The following HNF4G variants were observed in gnomAD, a reference collection of about 807,000 sequenced individuals.
The protein encoded by HNF4G is hepatocyte nuclear factor 4 gamma, also known as hepatocyte nuclear factor 4-gamma.
In HNF4G, 21 loss-of-function variants were observed where a neutral mutation model predicts 50.9. That is an observed-to-expected ratio of 0.41 (90% CI 0.29 to 0.59). HNF4G has a LOEUF of 0.59. HNF4G is among the 20% of genes least tolerant of loss of function. HNF4G has a pLI of 0.26. For synonymous variants in HNF4G, 198 were observed against 185.6 expected, an observed-to-expected ratio of 1.07 and a Z score of -0.54; for missense variants, 527 against 559.4, an observed-to-expected ratio of 0.94 and a Z score of 0.58.
chr8:75,435,669 C>A (rs1185425516), intron 1 of HNF4G, among the ~76,000 whole-genome samples: 1 of 152,224 alleles, frequency 6.6e-6, no homozygotes. Flanking sequence ...TCTGGGCTCA[C>A]TGCATCTTCT....
chr8:75,544,088 A>C (rs1007925689), intron 2 of HNF4G, 109 bp downstream of exon 2: 1 of 931,668 alleles, frequency 1.1e-6, no homozygotes, highest in African/African-American at 1.7e-5. Flanking sequence ...AAGTCTATAA[A>C]TACAATCTCT....
chr8:75,546,113 T>C (rs777588036), intron 2 of HNF4G, among the ~76,000 whole-genome samples: 1 of 152,158 alleles, frequency 6.6e-6, no homozygotes, highest in African/African-American at 2.4e-5. Flanking sequence ...TTCTTATCAT[T>C]AATCATCAAC....
At chr8:75,562,943 T>A (rs1355430472) in intron 9 of HNF4G, among the ~76,000 whole-genome samples, 1 of 152,192 alleles carries the variant, frequency 6.6e-6, no homozygotes, top group Non-Finnish European at 1.5e-5. Flanking sequence ...GATTTTGATA[T>A]TGATTTGTCA....
chr8:75,480,291 C>T (rs1035232055), intron 1 of HNF4G, among the ~76,000 whole-genome samples: 15 of 152,164 alleles, frequency 9.9e-5, no homozygotes, highest in South Asian at 2.1e-4. Flanking sequence ...TAATTGTATA[C>T]GTGCATAGCC....
intron 1 of HNF4G, among the ~76,000 whole-genome samples, chr8:75,443,838 C>T (rs909567343): frequency 6.6e-6 from 1 of 151,990 alleles, no homozygotes; most frequent in Non-Finnish European, 1.5e-5. Context: ...AAAAAGTCAT[C>T]CCCCTCTCCA....
chr8:75,531,777 C>T (rs905294459), intron 2 of HNF4G, among the ~76,000 whole-genome samples: 2 of 151,970 alleles, frequency 1.3e-5, no homozygotes, highest in South Asian at 2.1e-4. Context: ...AAAGGATGTG[C>T]ATAGATTATA....
intron 1 of HNF4G, among the ~76,000 whole-genome samples, chr8:75,477,276 T>A (rs6980816): frequency 0.16 from 24,536 of 152,144 alleles, 2,291 homozygotes; most frequent in African/African-American, 0.25. Context: ...TTTCTAAAGA[T>A]TCTTAGGTTA....
chr8:75,523,322 C>G (rs2130750182), intron 2 of HNF4G, among the ~76,000 whole-genome samples: 1 of 152,230 alleles, frequency 6.6e-6, no homozygotes, highest in East Asian at 1.9e-4. Context: ...ATAATTAATT[C>G]CTTCTCTCTA....
At chr8:75,532,070 T>C (rs1279526547) in intron 2 of HNF4G, among the ~76,000 whole-genome samples, 2 of 152,104 alleles carry the variant, frequency 1.3e-5, no homozygotes, top group African/African-American at 4.8e-5. Flanking sequence ...TTTTATTCTT[T>C]AATATGAGTT....
chr8:75,492,493 C>T (rs1476457504), intron 2 of HNF4G, among the ~76,000 whole-genome samples: 1 of 152,138 alleles, frequency 6.6e-6, no homozygotes, highest in East Asian at 1.9e-4. Flanking sequence ...TTGTGACCCC[C>T]CTATGTTTGC....
intron 2 of HNF4G, among the ~76,000 whole-genome samples, chr8:75,531,674 T>C (rs1405848529): frequency 6.6e-6 from 1 of 151,896 alleles, no homozygotes; most frequent in Non-Finnish European, 1.5e-5. Flanking sequence ...AATAAATAAA[T>C]GAAAAATAAT....
At chr8:75,525,329 C>T (rs745954316) in intron 2 of HNF4G, among the ~76,000 whole-genome samples, 18 of 152,082 alleles carry the variant, frequency 1.2e-4, no homozygotes, top group Admixed American at 7.9e-4. Flanking sequence ...CCACCATGCC[C>T]GGCTAATTTT....
intron 2 of HNF4G, among the ~76,000 whole-genome samples, chr8:75,504,464 T>C (rs1189234816): frequency 6.6e-6 from 1 of 151,834 alleles, no homozygotes; most frequent in Non-Finnish European, 1.5e-5. Flanking sequence ...TTAATAACTC[T>C]TGATATATAC....
At chr8:75,476,593 C>T (rs1812246460) in intron 1 of HNF4G, among the ~76,000 whole-genome samples, 1 of 152,198 alleles carries the variant, frequency 6.6e-6, no homozygotes, top group East Asian at 1.9e-4. Context: ...TAACGTAATA[C>T]AAACATAGTT....
rs763804262 is a variant in HNF4G at position 75,486,742 on chromosome 8, G to T, written c.-143-3347G>T. On this transcript the variant is annotated intron_variant, in intron 1 of 10. Transcript: ENST00000354370. Reference sequence around the variant, plus strand: ...TGAGTAGCCAGGCATGGTGGCTCATGCCTGTAATCCCAGCGCTTCGGGAGG... The same window carrying T: ...TGAGTAGCCAGGCATGGTGGCTCATTCCTGTAATCCCAGCGCTTCGGGAGG... Among the ~76,000 whole-genome samples the T allele has an allele frequency of 5.3e-4, 81 of 152,288 alleles. 1 individual carries two copies. The highest frequency in any genetic ancestry group is 8.7e-4 in the Non-Finnish European group (59 of 68,016).
intron 2 of HNF4G, among the ~76,000 whole-genome samples, chr8:75,491,323 T>C (rs989862672): frequency 8.5e-5 from 13 of 152,196 alleles, no homozygotes; most frequent in Admixed American, 3.3e-4. Context: ...AATTATATTT[T>C]ATACAATACC....
intron 2 of HNF4G, among the ~76,000 whole-genome samples, chr8:75,490,993 T>C (rs1812616518): frequency 6.6e-6 from 1 of 152,174 alleles, no homozygotes; most frequent in African/African-American, 2.4e-5. Flanking sequence ...CTCTTATAGT[T>C]TGGAAATCCA....
chr8:75,436,566 G>GTAGT (rs1364570470), intron 1 of HNF4G, among the ~76,000 whole-genome samples: 3 of 152,130 alleles, frequency 2.0e-5, no homozygotes, highest in African/African-American at 7.2e-5. Flanking sequence ...GGGAAAACTG[G>GTAGT]TAGTTAATAT....
intron 1 of HNF4G, among the ~76,000 whole-genome samples, chr8:75,469,205 T>C (rs1002848612): frequency 1.3e-5 from 2 of 152,142 alleles, no homozygotes; most frequent in African/African-American, 4.8e-5. Context: ...AGCCCAACCA[T>C]GCAAGCAATT....
Sources: gnomAD v4.1 joint callset for allele counts (sites outside exome capture counted in the v4.1 genomes callset) on GRCh38, gnomAD v4.1.1 for gene constraint, MANE v1.5 for transcripts, NCBI Gene and HGNC (gene_info 2026-07-23, HGNC 2026-07-21) for gene names.